ULK4: variants seen among roughly 807,000 people sequenced by gnomAD.
ULK4 encodes unc-51 like kinase 4.
ULK4 carries 133 observed loss-of-function variants against 160.6 expected under a neutral mutation model. The observed-to-expected ratio is 0.83, with a 90% confidence interval of 0.72 to 0.96. ULK4 has a LOEUF of 0.96. Ranked by LOEUF, ULK4 falls within the 40% of genes least tolerant of loss-of-function variation. The pLI is 0.00. For missense variants in ULK4, 1,580 were observed against 1,499.5 expected (o/e 1.05, Z -0.89); for synonymous variants, 534 against 539.8 (o/e 0.99, Z 0.15).
intron 35 of ULK4, among the ~76,000 whole-genome samples, chr3:41,283,975 A>C (rs1301858085): frequency 6.6e-6 from 1 of 151,052 alleles, no homozygotes. Flanking sequence ...AAAATAAATA[A>C]ATAAATAAAT....
intron 34 of ULK4, among the ~76,000 whole-genome samples, chr3:41,403,851 A>T (rs1428377193): frequency 6.6e-6 from 1 of 152,130 alleles, no homozygotes; most frequent in Non-Finnish European, 1.5e-5. Context: ...TCTTGGACCC[A>T]TGAGTTATCA....
At chr3:41,531,765 A>C (rs982239012) in intron 32 of ULK4, among the ~76,000 whole-genome samples, 1 of 152,206 alleles carries the variant, frequency 6.6e-6, no homozygotes, top group Non-Finnish European at 1.5e-5. Flanking sequence ...ATTACAGAGA[A>C]GAAATTTCAG....
At chr3:41,812,507 A>T (rs2040847643) in intron 19 of ULK4, among the ~76,000 whole-genome samples, 1 of 152,228 alleles carries the variant, frequency 6.6e-6, no homozygotes, top group Admixed American at 6.5e-5. Context: ...GATAATATGG[A>T]ATAACGATTT....
chr3:41,682,960 C>T (rs1403825969), intron 27 of ULK4, among the ~76,000 whole-genome samples: 1 of 151,972 alleles, frequency 6.6e-6, no homozygotes, highest in East Asian at 1.9e-4. Context: ...AATTTAAAAA[C>T]GAATAAACAT....
intron 2 of ULK4, among the ~76,000 whole-genome samples, chr3:41,948,003 A>G (rs1700162774): frequency 1.3e-5 from 2 of 152,164 alleles, no homozygotes; most frequent in Non-Finnish European, 2.9e-5. Flanking sequence ...ACTCTTGCAC[A>G]TGCTGAACCT....
At chr3:41,587,913 TTC>T (rs76745879) in intron 31 of ULK4, among the ~76,000 whole-genome samples, 12,442 of 152,256 alleles carry the variant, frequency 0.082, 910 homozygotes, top group East Asian at 0.44. Context: ...AAAAGTGATC[TTC>T]TGTTATTTTC....
intron 18 of ULK4, among the ~76,000 whole-genome samples, chr3:41,824,556 C>T (rs2041273770): frequency 6.6e-6 from 1 of 152,148 alleles, no homozygotes; most frequent in Non-Finnish European, 1.5e-5. Context: ...GCCCATGAAG[C>T]CTCGCTCATT....
intron 18 of ULK4, among the ~76,000 whole-genome samples, chr3:41,823,286 AAC>A (rs1354114035): frequency 6.6e-6 from 1 of 152,120 alleles, no homozygotes; most frequent in Non-Finnish European, 1.5e-5. Flanking sequence ...GGGTTTAAGG[AAC>A]TGTGGGGAGG....
intron 2 of ULK4, among the ~76,000 whole-genome samples, chr3:41,944,907 G>T (rs1716694): frequency 0.69 from 105,471 of 152,054 alleles, 39,668 homozygotes; most frequent in East Asian, 0.83. Context: ...TACCACTGAC[G>T]TTATTTGACC....
rs1330627530 is a variant in ULK4 at position 41,896,845 on chromosome 3, T to TGGCCACCTCCTGGTGACC, written c.1489_1506dup (p.Gly497_Ala502dup). The TGGCCACCTCCTGGTGACC allele has an allele frequency of 1.2e-6, 2 of 1,613,038 alleles. No homozygotes were observed. The highest frequency in any genetic ancestry group is 1.7e-6 in the Non-Finnish European group (2 of 1,179,746). ...ACCAGGGGGGAATGGAGGAGCCTGG[T>TGGCCACCTCCTGGTGACC]GGCCACCTCCTGGTGACCAGCCACC... On this transcript the variant is annotated inframe_insertion, in exon 15 of 37. Coordinates refer to ENST00000301831, the MANE Select transcript of ULK4 (RefSeq NM_017886.4).
rs373478768 is a variant in ULK4, at chr3:41,681,101, C to A, written c.2978+407G>T. Reference sequence around the variant, plus strand: ...CTCAGAACTAAACCTAAGTTCTATTCCAAGAGTTTGGAGAAGGGGATTACC... The same window carrying A: ...CTCAGAACTAAACCTAAGTTCTATTACAAGAGTTTGGAGAAGGGGATTACC... On this transcript the variant is annotated intron_variant, in intron 29 of 36. Coordinates refer to ENST00000301831, the MANE Select transcript of ULK4 (RefSeq NM_017886.4). Among the ~76,000 whole-genome samples, 23 of 152,112 alleles carry A rather than the reference C, an allele frequency of 1.5e-4. No homozygotes were observed. In the East Asian group the frequency reaches 2.3e-3, roughly 15 times the overall value.
At chr3:41,457,852 C>G (rs1055278466) in intron 33 of ULK4, among the ~76,000 whole-genome samples, 1 of 152,152 alleles carries the variant, frequency 6.6e-6, no homozygotes, top group East Asian at 1.9e-4. Flanking sequence ...GAACTCACCC[C>G]ACTCCTAGCG....
intron 30 of ULK4, among the ~76,000 whole-genome samples, chr3:41,655,434 G>C (rs560343454): frequency 6.6e-6 from 1 of 151,248 alleles, no homozygotes; most frequent in African/African-American, 2.4e-5. Context: ...GCTAAATGAC[G>C]AGTTAATGGG....
chr3:41,937,520 A>G (rs1049853042), intron 3 of ULK4, among the ~76,000 whole-genome samples: 1 of 152,206 alleles, frequency 6.6e-6, no homozygotes, highest in Non-Finnish European at 1.5e-5. Context: ...AGTAATACCT[A>G]TTAATAGTTA....
intron 12 of ULK4, among the ~76,000 whole-genome samples, 161 bp downstream of exon 12, chr3:41,907,684 A>G (rs58112727): frequency 1.3e-5 from 2 of 152,186 alleles, no homozygotes; most frequent in Non-Finnish European, 2.9e-5. Context: ...ACTAAATGGG[A>G]TATCTCTCTC....
chr3:41,565,094 A>G (rs909648885), intron 32 of ULK4, among the ~76,000 whole-genome samples: 4 of 152,244 alleles, frequency 2.6e-5, no homozygotes, highest in Non-Finnish European at 5.9e-5. Context: ...AATAGGCAAT[A>G]AATACCATAC....
At chr3:41,702,265 C>A (rs1411317922) in intron 27 of ULK4, among the ~76,000 whole-genome samples, 2 of 152,118 alleles carry the variant, frequency 1.3e-5, no homozygotes, top group Non-Finnish European at 2.9e-5. Context: ...CTGTCTCAGC[C>A]TCCAGAGTAG....
rs550401990 is a variant in ULK4, at chr3:41,378,356, C to G, written c.3678+19723G>C. ...AACCTGCACAATGTGCACATGTACC[C>G]TAAAACTTAAAGTATAATAATAAAA... On this transcript the variant is annotated intron_variant, in intron 35 of 36. Coordinates refer to ENST00000301831, the MANE Select transcript of ULK4 (RefSeq NM_017886.4). 3.3e-4 allele frequency among the ~76,000 whole-genome samples: 50 copies of G among 150,774 alleles called. 1 individual carries two copies. In the East Asian group the frequency reaches 9.3e-3, roughly 28 times the overall value.
intron 34 of ULK4, among the ~76,000 whole-genome samples, chr3:41,449,942 C>T (rs1207163144): frequency 2.7e-5 from 4 of 147,866 alleles, no homozygotes; most frequent in Non-Finnish European, 5.9e-5. Context: ...TGTCAAGGAC[C>T]ATCTTTTCAG....
Sources: gnomAD v4.1 joint callset for allele counts (sites outside exome capture counted in the v4.1 genomes callset) on GRCh38, gnomAD v4.1.1 for gene constraint, MANE v1.5 for transcripts, NCBI Gene and HGNC (gene_info 2026-07-23, HGNC 2026-07-21) for gene names.